Variants in MAML1 observed in about 807,000 individuals in gnomAD.
MAML1 encodes the protein mastermind-like protein 1.
Under a neutral mutation model 77.1 loss-of-function variants are expected in MAML1, and 14 were observed. The ratio of observed to expected loss-of-function variants is 0.18; its 90% CI spans 0.12 to 0.28. The LOEUF (loss-of-function observed/expected upper bound fraction) is 0.28, where lower values mean the gene tolerates loss of function less well. Ranked by LOEUF, MAML1 falls within the 10% of genes least tolerant of loss-of-function variation. The probability of loss-of-function intolerance (pLI) is 1.00; values close to 1 mark genes in which losing one functional copy is unlikely to be tolerated. For missense variants in MAML1, 1,217 were observed against 1,327.8 expected (o/e 0.92, Z 1.30); for synonymous variants, 516 against 551.9 (o/e 0.93, Z 0.91).
At chr5:179,751,722 C>T (rs1162171883) in intron 1 of MAML1, among the ~76,000 whole-genome samples, 2 of 151,834 alleles carry the variant, frequency 1.3e-5, no homozygotes, top group Non-Finnish European at 2.9e-5. Flanking sequence ...GAAAAAAATA[C>T]CGATTATGGC....
At chr5:179,768,100 G>A (rs1023755307) in intron 2 of MAML1, among the ~76,000 whole-genome samples, 6 of 152,218 alleles carry the variant, frequency 3.9e-5, no homozygotes, top group African/African-American at 1.2e-4. Context: ...GGGATAGCCC[G>A]AAATCCAAGG....
chr5:179,766,074 G>A lies in MAML1; in HGVS notation c.1064G>A (p.Arg355Gln), dbSNP rs750668310. ...QTLFHTSGQPRADNPSPNLMP... is the reference protein window; with the variant it reads ...QTLFHTSGQPQADNPSPNLMP... ...TTATTCCACACCTCTGGTCAGCCCC[G>A]GGCGGACAATCCCAGTCCAAACCTG... The change falls in exon 2 of 5, where the codon CGG becomes CAG. Residue 355 changes from arginine to glutamine, a missense_variant. By Grantham distance (43) the Arg-to-Gln change is conservative. Coordinates refer to ENST00000292599, the MANE Select transcript of MAML1 (RefSeq NM_014757.5). This position sits in a 1 kb window ranked among gnomAD's most constrained non-coding sequence, Gnocchi z 4.0. 6.9e-6 allele frequency: 11 copies of A among 1,587,072 alleles called. No individual in the cohort carries two copies. The highest frequency in any genetic ancestry group is 2.3e-5 in the South Asian group (2 of 86,708).
chr5:179,743,364 CTT>C (rs1187480234), intron 1 of MAML1, among the ~76,000 whole-genome samples: 12 of 91,762 alleles, frequency 1.3e-4, no homozygotes, highest in South Asian at 4.5e-4. Flanking sequence ...CTGCCCCACG[CTT>C]TTTTTTTTTT....
At chr5:179,751,893 A>G (rs918654645) in intron 1 of MAML1, among the ~76,000 whole-genome samples, 1 of 152,040 alleles carries the variant, frequency 6.6e-6, no homozygotes, top group Non-Finnish European at 1.5e-5. Flanking sequence ...AGTTCCAGCT[A>G]CTAGGGAGGC....
rs1756148392 is a variant in MAML1, at chr5:179,777,009, A to G, written c.*2132A>G. The G allele has an allele frequency of 1.0e-6, 1 of 985,096 alleles. No individual in the cohort carries two copies. The highest frequency in any genetic ancestry group is 1.7e-5 in the African/African-American group (1 of 57,352). 61.0% of individuals were successfully genotyped at this position (985,096 alleles called of 1,614,324 possible). A position where few individuals can be genotyped will look rare whatever the true frequency, so the allele number is the denominator to read the frequency against. On this transcript the variant is annotated 3_prime_UTR_variant, in exon 5 of 5. Transcript: ENST00000292599. ...AAATAAATGTTTACAATTTTATATG[A>G]AAGATGGAATAAGCGCTAGAGCTTC...
At chr5:179,736,743 C>T (rs1779178215) in intron 1 of MAML1, among the ~76,000 whole-genome samples, 1 of 151,810 alleles carries the variant, frequency 6.6e-6, no homozygotes, top group African/African-American at 2.4e-5. Context: ...GGGTGGATCG[C>T]CTGAGGTCAG....
chr5:179,754,252 A>C (rs1345500858), intron 1 of MAML1, among the ~76,000 whole-genome samples: 1 of 152,152 alleles, frequency 6.6e-6, no homozygotes, highest in Non-Finnish European at 1.5e-5. Flanking sequence ...ACTGCACTCC[A>C]ACCTGGGTAA....
At position 179,766,355 on chromosome 5, in the gene MAML1, C is replaced by T. The variant is rs1312873848; in HGVS notation, c.1345C>T (p.Pro449Ser). ...AGATGTCCCTTACCCCATGGAGAAG[C>T]CTGCCAGCCCTTCCAGCTACAAGCA... is the stretch of plus-strand genomic sequence containing the variant. ...SLDVPYPMEK[P>S]ASPSSYKQDF... The change falls in exon 2 of 5, where the codon CCT (proline) becomes TCT (serine). Residue 449 changes from proline (P) to serine (S), a missense_variant. By Grantham distance (74) the Pro-to-Ser change is moderately conservative (BLOSUM62 -1). Coordinates refer to ENST00000292599, the MANE Select transcript of MAML1 (RefSeq NM_014757.5). This position sits in a 1 kb window ranked among gnomAD's most constrained non-coding sequence, Gnocchi z 4.0. 5 of 1,604,918 alleles carry T rather than the reference C, an allele frequency of 3.1e-6. No individual in the cohort carries two copies. Among genetic ancestry groups the T allele is most frequent in the South Asian group, 1.1e-5 (1 of 90,006 alleles).
chr5:179,753,179 T>C (rs1271860050), intron 1 of MAML1, among the ~76,000 whole-genome samples: 1 of 140,950 alleles, frequency 7.1e-6, no homozygotes, highest in African/African-American at 2.7e-5. Flanking sequence ...TAGATGCTAT[T>C]TTTTAGTGTG....
In MAML1 at chr5:179,766,282, G is replaced by A. The variant is rs759861712; in HGVS notation, c.1272G>A (p.Pro424=). Residue 424 remains proline (P), a synonymous_variant, in exon 2 of 5, where the codon CCG becomes CCA. Transcript: ENST00000292599. The surrounding 1 kb of genome is among the most constrained non-coding windows in gnomAD (Gnocchi z 4.0). The part of the protein sequence containing the change: ...NPQQATPAPA[P]GQMSTWQQTG... ...AGCAGGCCACCCCGGCACCAGCCCC[G>A]GGCCAGATGTCCACATGGCAGCAGA... 8 of 1,613,708 alleles carry A rather than the reference G, an allele frequency of 5.0e-6. No homozygotes were observed. Among genetic ancestry groups the A allele is most frequent in the South Asian group, 3.3e-5 (3 of 91,020 alleles).
chr5:179,772,340 C>T (rs571858578), intron 4 of MAML1, among the ~76,000 whole-genome samples: 71 of 152,202 alleles, frequency 4.7e-4, no homozygotes, highest in African/African-American at 1.6e-3. Flanking sequence ...GCTGATCTCA[C>T]ATACCTGACC....
intron 1 of MAML1, among the ~76,000 whole-genome samples, chr5:179,746,483 C>T (rs943423881): frequency 6.6e-6 from 1 of 151,996 alleles, no homozygotes; most frequent in African/African-American, 2.4e-5. Context: ...AAGTGATTCT[C>T]CCACCTCAGC....
In MAML1 at chr5:179,732,996, C is replaced by T. The variant is rs1486168200; in HGVS notation, c.-117C>T. 3.4e-6 allele frequency: 2 copies of T among 588,422 alleles called. No individual in the cohort carries two copies. The highest frequency in any genetic ancestry group is 4.8e-6 in the Non-Finnish European group (2 of 417,844). 36.5% of individuals were successfully genotyped at this position (588,422 alleles called of 1,614,324 possible). A position where few individuals can be genotyped will look rare whatever the true frequency, so the allele number is the denominator to read the frequency against. On this transcript the variant is annotated 5_prime_UTR_variant, in exon 1 of 5. Coordinates refer to ENST00000292599, the MANE Select transcript of MAML1 (RefSeq NM_014757.5). ...CCGCGCGCGAGCCCGCTCCGCTGCC[C>T]TCGGGGGCATGGCGCGGCCGTGAGG...
rs144664410 is a variant in MAML1 at position 179,769,081 on chromosome 5, G to A, written c.1963G>A (p.Ala655Thr). 45 of 1,614,070 alleles carry A rather than the reference G, an allele frequency of 2.8e-5. No homozygotes were observed. The African/African-American group carries it at 3.3e-4, about 12-fold the overall frequency. ...QFLQRQQHLL[A>T]EQEKQQFQRH... ...CCTTCAGAGGCAACAGCACCTTCTC[G>A]CGGAACAGGTAAAAAGAAAAGTGGA... The change falls in exon 3 of 5, where the codon GCG (alanine) becomes ACG (threonine). Residue 655 changes from alanine (A) to threonine (T), a missense_variant. By Grantham distance (58) the Ala-to-Thr change is moderately conservative. Coordinates refer to ENST00000292599, the MANE Select transcript of MAML1 (RefSeq NM_014757.5). The surrounding 1 kb of genome is among the most constrained non-coding windows in gnomAD (Gnocchi z 4.2).
At position 179,775,987 on chromosome 5, in the gene MAML1, A is replaced by G. The variant is rs1036921998; in HGVS notation, c.*1110A>G. On this transcript the variant is annotated 3_prime_UTR_variant, in exon 5 of 5. Coordinates refer to ENST00000292599, the MANE Select transcript of MAML1 (RefSeq NM_014757.5). ...TGGTTTGACAACTTCTGCCACTCCC[A>G]TGTCAGATGACTTGCACTTCTTAAA... The G allele has an allele frequency of 3.2e-5, 32 of 985,676 alleles. No homozygotes were observed. Among genetic ancestry groups the G allele is most frequent in the African/African-American group, 3.1e-4 (18 of 57,262 alleles). 61.1% of individuals were successfully genotyped at this position (985,676 alleles called of 1,614,324 possible). A position where few individuals can be genotyped will look rare whatever the true frequency, so the allele number is the denominator to read the frequency against.
At chr5:179,772,276 G>T (rs1278123336) in intron 4 of MAML1, among the ~76,000 whole-genome samples, 1 of 151,996 alleles carries the variant, frequency 6.6e-6, no homozygotes, top group Non-Finnish European at 1.5e-5. Context: ...CTGCCACCAC[G>T]CCCGGCTCAT....
At chr5:179,746,045 A>AT in intron 1 of MAML1, among the ~76,000 whole-genome samples, 2 of 139,862 alleles carry the variant, frequency 1.4e-5, no homozygotes, top group Non-Finnish European at 3.1e-5. Flanking sequence ...AAAAAAAAAA[A>AT]CAAAACCAAA....
rs963060016 is a variant in MAML1 at position 179,754,088 on chromosome 5, A to C, written c.316-11238A>C. Among the ~76,000 whole-genome samples, 4 of 152,046 alleles carry C rather than the reference A, an allele frequency of 2.6e-5. No individual in the cohort carries two copies. In the South Asian group the frequency reaches 8.3e-4, roughly 32 times the overall value. ...CCCTTGAGCCCAGGGGTTTGAGAGCAGTCTGGGTAATATGGTGAAACCCCA... is the reference window on the plus strand; with the variant it reads ...CCCTTGAGCCCAGGGGTTTGAGAGCCGTCTGGGTAATATGGTGAAACCCCA... On this transcript the variant is annotated intron_variant, in intron 1 of 4. Transcript: ENST00000292599.
intron 1 of MAML1, among the ~76,000 whole-genome samples, chr5:179,735,105 C>A (rs1779141562): frequency 1.3e-5 from 2 of 152,184 alleles, no homozygotes; most frequent in Admixed American, 6.6e-5. Flanking sequence ...AGCGCACCAG[C>A]ATGGCACATG....
Sources: allele counts gnomAD v4.1 joint callset (sites outside exome capture counted in the v4.1 genomes callset), GRCh38; gene constraint gnomAD v4.1.1; non-coding constraint Gnocchi (gnomAD v3.1); transcripts MANE v1.5; gene names NCBI Gene and HGNC (gene_info 2026-07-23, HGNC 2026-07-21).